Variants in ANXA4 observed in about 807,000 individuals in gnomAD.
ANXA4 encodes the protein annexin A4.
In ANXA4, 39 loss-of-function variants were observed where a neutral mutation model predicts 49.8. The ratio of observed to expected loss-of-function variants is 0.78; its 90% CI spans 0.61 to 1.02. ANXA4 has a LOEUF of 1.02. ANXA4 is among the 50% of genes least tolerant of loss of function. The pLI is 0.00. For missense variants in ANXA4, 360 were observed against 410.1 expected (o/e 0.88, Z 1.05); for synonymous variants, 134 against 152.5 (o/e 0.88, Z 0.89).
At chr2:69,699,503 C>T (rs115497487) in intron 2 of ANXA4, among the ~76,000 whole-genome samples, 2,513 of 151,838 alleles carry the variant, frequency 0.017, 69 homozygotes, top group African/African-American at 0.058. Flanking sequence ...ATAAGCCAGG[C>T]GTGGTGGTGT....
chr2:69,800,840 G>A (rs1006439861), intron 3 of ANXA4, among the ~76,000 whole-genome samples: 9 of 152,310 alleles, frequency 5.9e-5, no homozygotes, highest in East Asian at 5.8e-4. Context: ...TATCAAGGAC[G>A]TAGACACACA....
At chr2:69,765,589 C>T (rs1671463051) in intron 1 of ANXA4, among the ~76,000 whole-genome samples, 1 of 152,192 alleles carries the variant, frequency 6.6e-6, no homozygotes, top group East Asian at 1.9e-4. Flanking sequence ...TCACTGGCCC[C>T]AGACAACCAC....
chr2:69,754,264 G>T (rs1377957368), intron 1 of ANXA4, among the ~76,000 whole-genome samples: 2 of 152,132 alleles, frequency 1.3e-5, no homozygotes, highest in Non-Finnish European at 2.9e-5. Flanking sequence ...TTGATGTAAG[G>T]TCATGATTGG....
chr2:69,643,820 C>T, upstream of ANXA4: 4 of 1,183,588 alleles, frequency 3.4e-6, no homozygotes, highest in Non-Finnish European at 4.2e-6. Context: ...CGGAAGTGCC[C>T]CTCGGGGCGG....
intron 6 of ANXA4, 189 bp from the exon 7 acceptor site, chr2:69,810,405 C>G: frequency 1.7e-6 from 1 of 578,892 alleles, no homozygotes; most frequent in South Asian, 2.1e-5. Flanking sequence ...TATCGTGTGA[C>G]AGGATAAGCT....
At chr2:69,687,431 C>T (rs1677828357) in intron 2 of ANXA4, among the ~76,000 whole-genome samples, 1 of 151,760 alleles carries the variant, frequency 6.6e-6, no homozygotes, top group African/African-American at 2.4e-5. Context: ...TCACTTGAAC[C>T]TGGGAGGCAG....
At chr2:69,677,762 C>A (rs1677459410) in intron 2 of ANXA4, among the ~76,000 whole-genome samples, 1 of 152,148 alleles carries the variant, frequency 6.6e-6, no homozygotes, top group African/African-American at 2.4e-5. Context: ...TCCCATTTCT[C>A]CACAGAAGCA....
chr2:69,718,722 CAT>C (rs1319430033), intron 2 of ANXA4, among the ~76,000 whole-genome samples: 1 of 151,896 alleles, frequency 6.6e-6, no homozygotes, highest in African/African-American at 2.4e-5. Context: ...CATGCACACA[CAT>C]GCATACACAA....
At chr2:69,814,781 TGTGTGTGTGTGTG>T (rs1673895681) in intron 8 of ANXA4, 1 of 106,748 alleles carries the variant, frequency 9.4e-6, no homozygotes, top group African/African-American at 6.1e-5. Flanking sequence ...TGTGTGTGTG[TGTGTGTGTGTGTG>T]AGAGAAAGAG....
intron 2 of ANXA4, among the ~76,000 whole-genome samples, chr2:69,675,077 C>T (rs1452540264): frequency 6.6e-6 from 1 of 152,124 alleles, no homozygotes. Flanking sequence ...TGCCTGTCAC[C>T]ATGCCCGGCT....
upstream of ANXA4, among the ~76,000 whole-genome samples, chr2:69,741,286 A>G (rs1670387628): frequency 6.6e-6 from 1 of 152,194 alleles, no homozygotes; most frequent in Non-Finnish European, 1.5e-5. Context: ...ACGTGGCGAA[A>G]TCGGTGCTGG....
At chr2:69,822,322 A>G (rs1292402929) in intron 12 of ANXA4, among the ~76,000 whole-genome samples, 1 of 152,102 alleles carries the variant, frequency 6.6e-6, no homozygotes, top group African/African-American at 2.4e-5. Context: ...TGACTGTACC[A>G]CTTCAAGACT....
chr2:69,776,053 AG>A (rs1191958392), intron 1 of ANXA4, among the ~76,000 whole-genome samples: 7 of 151,924 alleles, frequency 4.6e-5, no homozygotes, highest in Admixed American at 4.6e-4. Context: ...GGTTCACTGC[AG>A]CCTCCACTTC....
intron 4 of ANXA4, 97 bp from the exon 5 acceptor site, chr2:69,806,288 G>C: frequency 1.3e-6 from 1 of 780,506 alleles, no homozygotes; most frequent in East Asian, 2.5e-5. Context: ...CCCCTTGAAA[G>C]GGTCTTGGAG....
intron 2 of ANXA4, among the ~76,000 whole-genome samples, chr2:69,656,365 ATGTGTATATATG>A (rs1417062091): frequency 0.016 from 2,126 of 130,964 alleles, 134 homozygotes; most frequent in African/African-American, 0.061. Context: ...GTGTATATAT[ATGTGTATATATG>A]TGTATATATA....
In ANXA4 at chr2:69,810,661, GTC is replaced by G. The variant is rs759366104; in HGVS notation, c.469_470del (p.Leu157ValfsTer7). The G allele has an allele frequency of 1.2e-5, 19 of 1,613,518 alleles. No homozygotes were observed. The highest frequency in any genetic ancestry group is 1.6e-5 in the Non-Finnish European group (19 of 1,179,594). The part of the protein sequence containing the change: ...TSFMFQRVLV[S>X]LSAGGRDEGN... ...CGTTCATGTTCCAGCGAGTGCTGGT[GTC>G]TCTGTCAGCTGTGAGTGACTGCTTC... On this transcript the variant is annotated frameshift_variant, in exon 7 of 13. Transcript: ENST00000394295. LOFTEE classifies it high-confidence loss of function.
chr2:69,825,554 T>C lies in ANXA4; in HGVS notation c.*39T>C. The C allele has an allele frequency of 2.0e-6, 3 of 1,523,852 alleles. No homozygotes were observed. Among genetic ancestry groups the C allele is most frequent in the Non-Finnish European group, 2.7e-6 (3 of 1,116,520 alleles). The allele number at this position is 1,523,852 out of a possible 1,614,324, so 94.4% of individuals were successfully genotyped here. ...GAAGGACAGGAGGATTCTCAACACT[T>C]TGAATTTTTTTAACTTCATTTTTCT... On this transcript the variant is annotated 3_prime_UTR_variant, in exon 13 of 13. Transcript: ENST00000394295.
intron 1 of ANXA4, among the ~76,000 whole-genome samples, chr2:69,651,896 GC>G (rs1409456521): frequency 1.4e-5 from 2 of 141,826 alleles, no homozygotes; most frequent in African/African-American, 5.4e-5. Context: ...GCTCATTCCA[GC>G]CTCAACTTCC....
chr2:69,664,064 C>T (rs921286519), intron 2 of ANXA4, among the ~76,000 whole-genome samples: 5 of 152,178 alleles, frequency 3.3e-5, no homozygotes, highest in African/African-American at 1.2e-4. Context: ...AATGAAGTTT[C>T]ACTTAAAGAA....
Sources: gnomAD v4.1 joint callset for allele counts (sites outside exome capture counted in the v4.1 genomes callset) on GRCh38, gnomAD v4.1.1 for gene constraint, MANE v1.5 for transcripts, NCBI Gene and HGNC (gene_info 2026-07-23, HGNC 2026-07-21) for gene names.